Variants in SSC4D observed in about 807,000 individuals in gnomAD.
The protein encoded by SSC4D is scavenger receptor cysteine-rich domain-containing group B protein.
Under a neutral mutation model 63.4 loss-of-function variants are expected in SSC4D, and 57 were observed. The observed-to-expected ratio is 0.90, with a 90% confidence interval of 0.73 to 1.12. The LOEUF (loss-of-function observed/expected upper bound fraction) is 1.12. Ranked by LOEUF, SSC4D falls within the 50% of genes most tolerant of loss-of-function variation. The pLI is 0.00. For missense variants in SSC4D, 791 were observed against 806.4 expected, an observed-to-expected ratio of 0.98 and a Z score of 0.23; for synonymous variants, 352 against 345.4, an observed-to-expected ratio of 1.02 and a Z score of -0.21.
intron 6 of SSC4D, among the ~76,000 whole-genome samples, chr7:76,397,081 T>G (rs1228602723): frequency 6.6e-6 from 1 of 152,114 alleles, no homozygotes; most frequent in Non-Finnish European, 1.5e-5. Flanking sequence ...AATAGTACAG[T>G]TTTTTTGTTT....
chr7:76,398,354 G>A (rs1190525498), intron 5 of SSC4D, among the ~76,000 whole-genome samples: 1 of 145,200 alleles, frequency 6.9e-6, no homozygotes, highest in Non-Finnish European at 1.5e-5. Flanking sequence ...GTGTCCCCCA[G>A]GCTAGAGTAC....
In SSC4D at chr7:76,389,857, T is replaced by G. The variant is rs1476284597; in HGVS notation, c.*202A>C. On this transcript the variant is annotated 3_prime_UTR_variant, in exon 11 of 11. Coordinates refer to ENST00000275560, the MANE Select transcript of SSC4D (RefSeq NM_080744.2). ...ACTGAATTGGGCTCACAACAGTCGATGACAGGCTGAGGTCACGCAGTAAGT... is the reference window on the plus strand; with the variant it reads ...ACTGAATTGGGCTCACAACAGTCGAGGACAGGCTGAGGTCACGCAGTAAGT... 4 of 649,788 alleles carry G rather than the reference T, an allele frequency of 6.2e-6. No individual in the cohort carries two copies. The East Asian group carries it at 1.1e-4, about 18-fold the overall frequency. The allele number at this position is 649,788 out of a possible 1,614,324, so 40.3% of individuals were successfully genotyped here. A position where few individuals can be genotyped will look rare whatever the true frequency, so the allele number is the denominator to read the frequency against.
At chr7:76,395,471 G>A (rs746472997) in intron 6 of SSC4D, 141 bp from the exon 7 acceptor site, 10 of 774,414 alleles carry the variant, frequency 1.3e-5, no homozygotes, top group Non-Finnish European at 1.7e-5. Context: ...CAGCCGCAGC[G>A]GGGTTCCAAG....
At chr7:76,405,339 CTTTTTTTTTT>C (rs1193527373) in intron 1 of SSC4D, among the ~76,000 whole-genome samples, 1 of 21,386 alleles carries the variant, frequency 4.7e-5, no homozygotes, top group Non-Finnish European at 8.0e-5. Context: ...TTCTTTCTTT[CTTTTTTTTTT>C]TTTTTTTTTT....
In SSC4D at chr7:76,395,448, AG is replaced by A. The variant is rs1804614376; in HGVS notation, c.869-119del. 13 of 1,051,504 alleles carry A rather than the reference AG, an allele frequency of 1.2e-5. No homozygotes were observed. The Admixed American group carries it at 3.0e-4, about 24-fold the overall frequency. 65.1% of individuals were successfully genotyped at this position (1,051,504 alleles called of 1,614,324 possible). On this transcript the variant is annotated intron_variant, in intron 6 of 10. Transcript: ENST00000275560. ...GGAGGAGAGAATAGATGTTACTTCC[AG>A]GGCTGGTGGCCCAGCCGCAGCGGGG...
Position 76,397,605 on chromosome 7 carries a change from C to A in SSC4D, c.781G>T (p.Gly261Cys). 6.2e-7 allele frequency: 1 copy of A among 1,610,268 alleles called. No homozygotes were observed. The highest frequency in any genetic ancestry group is 1.1e-5 in the South Asian group (1 of 90,794). The change falls in exon 6 of 11, where the codon GGC (glycine) becomes TGC (cysteine). Residue 261 changes from glycine to cysteine, a missense_variant. Transcript: ENST00000275560. Reference protein sequence around the residue: ...ILLDNVHCEGGEPRLAACQSL... With the variant: ...ILLDNVHCEGCEPRLAACQSL... The stretch of plus-strand genomic sequence containing the variant: ...TGGCAGGCTGCCAGGCGGGGCTCGC[C>A]GCCTTCGCAGTGCACGTTGTCCAGC...
intron 4 of SSC4D, among the ~76,000 whole-genome samples, chr7:76,399,890 C>T (rs1217094164): frequency 6.6e-6 from 1 of 152,126 alleles, no homozygotes; most frequent in East Asian, 1.9e-4. Flanking sequence ...GTTCCAGCTA[C>T]TGAGGCGGGA....
Position 76,409,400 on chromosome 7 carries a change from T to C in SSC4D, c.-67+14A>G, listed in dbSNP as rs112596877. The C allele has an allele frequency of 0.034, 5,168 of 151,128 alleles. 158 individuals are homozygous for C. The highest frequency in any genetic ancestry group is 0.13 in the East Asian group (688 of 5,134). 9.4% of individuals were successfully genotyped at this position (151,128 alleles called of 1,614,324 possible). ...ACACACACAAACACTCCAGCAAAAGTGAAGGATTCATACCTGGGGGAATGT... is the reference window on the plus strand; with the variant it reads ...ACACACACAAACACTCCAGCAAAAGCGAAGGATTCATACCTGGGGGAATGT... On this transcript the variant is annotated intron_variant, in intron 1 of 10. Coordinates refer to ENST00000275560, the MANE Select transcript of SSC4D (RefSeq NM_080744.2).
At chr7:76,405,761 A>T (rs1293004970) in intron 1 of SSC4D, among the ~76,000 whole-genome samples, 2 of 151,870 alleles carry the variant, frequency 1.3e-5, no homozygotes, top group Non-Finnish European at 2.9e-5. Flanking sequence ...GTAGCTGAGG[A>T]TGTGTGAAGA....
At position 76,389,843 on chromosome 7, in the gene SSC4D, C is replaced by T; in HGVS notation, c.*216G>A. 1 of 614,074 alleles carries T rather than the reference C, an allele frequency of 1.6e-6. No homozygotes were observed. Among genetic ancestry groups the T allele is most frequent in the Non-Finnish European group, 2.8e-6 (1 of 354,984 alleles). The allele number at this position is 614,074 out of a possible 1,614,324, so 38.0% of individuals were successfully genotyped here. A position where few individuals can be genotyped will look rare whatever the true frequency, so the allele number is the denominator to read the frequency against. Reference sequence around the variant, plus strand: ...CCACAGGAGCTTTCACTGAATTGGGCTCACAACAGTCGATGACAGGCTGAG... The same window carrying T: ...CCACAGGAGCTTTCACTGAATTGGGTTCACAACAGTCGATGACAGGCTGAG... On this transcript the variant is annotated 3_prime_UTR_variant, in exon 11 of 11. Transcript: ENST00000275560.
intron 1 of SSC4D, among the ~76,000 whole-genome samples, chr7:76,408,797 G>A (rs1805130426): frequency 6.6e-6 from 1 of 152,130 alleles, no homozygotes; most frequent in Non-Finnish European, 1.5e-5. Flanking sequence ...TTGGTGATTA[G>A]GGCTCTTGAA....
rs567724230 is a variant in SSC4D, at chr7:76,408,068, C to G, written c.-67+1346G>C. 1.1e-4 allele frequency among the ~76,000 whole-genome samples: 16 copies of G among 152,296 alleles called. No homozygotes were observed. In the East Asian group the frequency reaches 2.9e-3, roughly 28 times the overall value. On this transcript the variant is annotated intron_variant, in intron 1 of 10. Coordinates refer to ENST00000275560, the MANE Select transcript of SSC4D (RefSeq NM_080744.2). ...AGCATCCATTTGGCTCCCAGCCACC[C>G]TGATGGGGACTTTGTAGGAGGCGGC... is the stretch of plus-strand genomic sequence containing the variant.
chr7:76,404,341 G>C lies in SSC4D; in HGVS notation c.99C>G (p.Pro33=), dbSNP rs751387322. Residue 33 remains proline (P), a synonymous_variant, in exon 2 of 11, where the codon CCC becomes CCG. Transcript: ENST00000275560. ...GDGSAAPPFL[P]QALSFLLLLP... ...GGAGGAGAAGGAAAGACAGGGCTTG[G>C]GGGAGGAAGGGAGGGGCAGCACTCC... The C allele has an allele frequency of 6.2e-6, 10 of 1,612,060 alleles. No individual in the cohort carries two copies. The highest frequency in any genetic ancestry group is 8.5e-6 in the Non-Finnish European group (10 of 1,179,056).
chr7:76,406,081 G>A (rs1346708855), intron 1 of SSC4D, among the ~76,000 whole-genome samples: 1 of 152,086 alleles, frequency 6.6e-6, no homozygotes, highest in Non-Finnish European at 1.5e-5. Context: ...TGCCTCCCGG[G>A]TTCAAGCGAT....
At chr7:76,404,898 C>T (rs1207754966) in intron 1 of SSC4D, among the ~76,000 whole-genome samples, 3 of 151,466 alleles carry the variant, frequency 2.0e-5, no homozygotes, top group Non-Finnish European at 2.9e-5. Flanking sequence ...GGTGAAACCC[C>T]ATCTGTACCA....
chr7:76,408,568 C>T (rs1805122514), intron 1 of SSC4D, among the ~76,000 whole-genome samples: 1 of 152,164 alleles, frequency 6.6e-6, no homozygotes, highest in South Asian at 2.1e-4. Flanking sequence ...TGCCAGGAAT[C>T]CTCAGCTTCC....
Position 76,397,511 on chromosome 7 carries a change from C to A in SSC4D, c.868+7G>T. ...CCGGCCCCGCCCATCGCCCCTAGAG[C>A]CCGCACCTGCGCAGAGCGCGCCCGC... On this transcript the variant is annotated splice_region_variant and intron_variant, in intron 6 of 10. Coordinates refer to ENST00000275560, the MANE Select transcript of SSC4D (RefSeq NM_080744.2). The A allele has an allele frequency of 6.6e-7, 1 of 1,519,512 alleles. No individual in the cohort carries two copies. The highest frequency in any genetic ancestry group is 8.8e-7 in the Non-Finnish European group (1 of 1,134,548). 94.1% of individuals were successfully genotyped at this position (1,519,512 alleles called of 1,614,324 possible).
chr7:76,402,937 G>C (rs1804877555), intron 2 of SSC4D, among the ~76,000 whole-genome samples: 1 of 152,236 alleles, frequency 6.6e-6, no homozygotes, highest in Admixed American at 6.5e-5. Flanking sequence ...AGAGTGCTGG[G>C]ATTACAGGCG....
chr7:76,395,406 G>T (rs1423323328), intron 6 of SSC4D, 76 bp from the exon 7 acceptor site: 3 of 1,456,200 alleles, frequency 2.1e-6, no homozygotes, highest in African/African-American at 1.4e-5. Flanking sequence ...GTCAGGGGAG[G>T]ATAGGAGGGT....
Sources: gnomAD v4.1 joint callset for allele counts (sites outside exome capture counted in the v4.1 genomes callset) on GRCh38, gnomAD v4.1.1 for gene constraint, MANE v1.5 for transcripts, NCBI Gene and HGNC (gene_info 2026-07-23, HGNC 2026-07-21) for gene names.